WNT7A: variants seen among roughly 807,000 people sequenced by gnomAD.
The protein encoded by WNT7A is protein Wnt-7a.
WNT7A carries 16 observed loss-of-function variants against 28.2 expected under a neutral mutation model. That is an observed-to-expected ratio of 0.57 (90% CI 0.38 to 0.86). WNT7A has a LOEUF of 0.86. Ranked by LOEUF, WNT7A falls within the 40% of genes least tolerant of loss-of-function variation. WNT7A has a pLI of 0.00. For synonymous variants in WNT7A, 190 were observed against 195.9 expected (o/e 0.97, Z 0.25); for missense variants, 411 against 489.7 (o/e 0.84, Z 1.52).
At chr3:13,859,098 C>T (rs1694790083) in intron 2 of WNT7A, among the ~76,000 whole-genome samples, 2 of 152,188 alleles carry the variant, frequency 1.3e-5, no homozygotes, top group South Asian at 2.1e-4. Flanking sequence ...AAACATCAGC[C>T]GTTGCGTTGT....
intron 2 of WNT7A, among the ~76,000 whole-genome samples, chr3:13,855,896 C>T (rs998281854): frequency 3.9e-5 from 6 of 152,108 alleles, no homozygotes; most frequent in Non-Finnish European, 5.9e-5. Flanking sequence ...AGGATGGAGA[C>T]GGCTTAAGCA....
intron 1 of WNT7A, among the ~76,000 whole-genome samples, chr3:13,877,573 G>A (rs747602389): frequency 6.6e-6 from 1 of 152,232 alleles, no homozygotes; most frequent in African/African-American, 2.4e-5. Flanking sequence ...TAGCCCCTAA[G>A]GGTCTGGCCT....
intron 3 of WNT7A, among the ~76,000 whole-genome samples, chr3:13,835,714 C>T (rs1694356695): frequency 6.6e-6 from 1 of 152,250 alleles, no homozygotes; most frequent in Admixed American, 6.5e-5. Flanking sequence ...CACACACAAA[C>T]TTGTCCACAA....
At chr3:13,834,200 A>G (rs114323710) in intron 3 of WNT7A, among the ~76,000 whole-genome samples, 168 of 152,050 alleles carry the variant, frequency 1.1e-3, no homozygotes, top group Non-Finnish European at 2.1e-3. Context: ...TATTTTGCTC[A>G]GGGTGATAAT....
chr3:13,841,075 A>T (rs1234211122), intron 3 of WNT7A, among the ~76,000 whole-genome samples: 1 of 152,254 alleles, frequency 6.6e-6, no homozygotes, highest in Non-Finnish European at 1.5e-5. Context: ...GAGCTGGCAT[A>T]TAGGGATTCG....
At chr3:13,870,107 C>T (rs1695008006) in intron 2 of WNT7A, among the ~76,000 whole-genome samples, 1 of 152,292 alleles carries the variant, frequency 6.6e-6, no homozygotes, top group Middle Eastern at 3.4e-3. Flanking sequence ...CGCCACACTC[C>T]CTCTGCCTTC....
chr3:13,826,506 G>T (rs1372563004), intron 3 of WNT7A, among the ~76,000 whole-genome samples: 1 of 152,170 alleles, frequency 6.6e-6, no homozygotes, highest in Non-Finnish European at 1.5e-5. Context: ...AACTGAAAGA[G>T]GGAGCAGGCT....
rs768000316 is a variant in WNT7A at position 13,879,801 on chromosome 3, G to C, written c.16C>G (p.Arg6Gly). Reference protein sequence around the residue: MNRKARRCLGHLFLSL... With the variant: MNRKAGRCLGHLFLSL... ...AGAAAGAGGTGGCCCAGGCAGCGCCGCGCTTTCCGGTTCATAGTCCCGATT... is the reference window on the plus strand; with the variant it reads ...AGAAAGAGGTGGCCCAGGCAGCGCCCCGCTTTCCGGTTCATAGTCCCGATT... The change falls in exon 1 of 4, where the codon CGG (arginine) becomes GGG (glycine). Residue 6 changes from arginine to glycine, a missense_variant. By Grantham distance (125) the Arg-to-Gly change is moderately radical. Coordinates refer to ENST00000285018, the MANE Select transcript of WNT7A (RefSeq NM_004625.4). The C allele has an allele frequency of 6.2e-7, 1 of 1,611,920 alleles. No individual in the cohort carries two copies. Among genetic ancestry groups the C allele is most frequent in the African/African-American group, 1.3e-5 (1 of 74,880 alleles).
At chr3:13,871,012 T>C (rs1367824170) in intron 2 of WNT7A, among the ~76,000 whole-genome samples, 2 of 152,214 alleles carry the variant, frequency 1.3e-5, no homozygotes, top group Non-Finnish European at 2.9e-5. Flanking sequence ...GAGCCAGGCA[T>C]GCGATGAAGA....
intron 2 of WNT7A, among the ~76,000 whole-genome samples, chr3:13,870,364 G>A (rs1695011518): frequency 6.6e-6 from 1 of 152,186 alleles, no homozygotes; most frequent in Admixed American, 6.5e-5. Context: ...CAGGGAGAAG[G>A]TGGCAAGCCC....
chr3:13,832,592 A>T (rs1694299330), intron 3 of WNT7A, among the ~76,000 whole-genome samples: 1 of 151,550 alleles, frequency 6.6e-6, no homozygotes, highest in African/African-American at 2.4e-5. Flanking sequence ...AGAAAGCTGC[A>T]TTTCAGCCAG....
chr3:13,874,155 C>T (rs1695066869), intron 2 of WNT7A, among the ~76,000 whole-genome samples: 1 of 152,144 alleles, frequency 6.6e-6, no homozygotes, highest in Admixed American at 6.5e-5. Flanking sequence ...CCAAGGCTGA[C>T]CTGGCTTTCA....
In WNT7A at chr3:13,819,439, G is replaced by A. The variant is rs575469627; in HGVS notation, c.571-16C>T. The A allele has an allele frequency of 8.1e-6, 13 of 1,610,042 alleles. No homozygotes were observed. In the African/African-American group the frequency reaches 1.7e-4, roughly 21 times the overall value. Reference sequence around the variant, plus strand: ...CCTCCAGGATCTGCAGGGGAGGGCGGGGAAGAGCACAGCACAGGTCACTGC... The same window carrying A: ...CCTCCAGGATCTGCAGGGGAGGGCGAGGAAGAGCACAGCACAGGTCACTGC... On this transcript the variant is annotated splice_polypyrimidine_tract_variant and intron_variant, in intron 3 of 3. Transcript: ENST00000285018.
At chr3:13,828,405 A>C (rs1437836328) in intron 3 of WNT7A, among the ~76,000 whole-genome samples, 2 of 152,196 alleles carry the variant, frequency 1.3e-5, no homozygotes, top group Non-Finnish European at 2.9e-5. Context: ...TGAATTCATC[A>C]ACCCAAGACC....
At chr3:13,829,654 C>T (rs1694246933) in intron 3 of WNT7A, among the ~76,000 whole-genome samples, 1 of 152,106 alleles carries the variant, frequency 6.6e-6, no homozygotes, top group African/African-American at 2.4e-5. Flanking sequence ...CTCAGTTTTC[C>T]TTACCAATGA....
At chr3:13,879,266 C>A (rs1174344674) in intron 1 of WNT7A, among the ~76,000 whole-genome samples, 1 of 152,238 alleles carries the variant, frequency 6.6e-6, no homozygotes, top group Non-Finnish European at 1.5e-5. Flanking sequence ...ACGGACCGGC[C>A]CCGCCAGCCA....
chr3:13,879,036 C>T (rs1181499623), intron 1 of WNT7A, among the ~76,000 whole-genome samples: 1 of 152,168 alleles, frequency 6.6e-6, no homozygotes, highest in African/African-American at 2.4e-5. Context: ...GCGGGGTGTC[C>T]CGCCTCTCTC....
At chr3:13,871,840 TC>T (rs1695030554) in intron 2 of WNT7A, among the ~76,000 whole-genome samples, 1 of 151,906 alleles carries the variant, frequency 6.6e-6, no homozygotes, top group African/African-American at 2.4e-5. Context: ...CCTTATTGTC[TC>T]CCCTCCAGAA....
At chr3:13,877,117 C>T (rs1046137635) in intron 1 of WNT7A, 1 of 152,210 alleles carries the variant, frequency 6.6e-6, no homozygotes, top group African/African-American at 2.4e-5. Context: ...CAGGTGCCCC[C>T]CAAATATGCA....
Sources: gnomAD v4.1 joint callset for allele counts (sites outside exome capture counted in the v4.1 genomes callset) on GRCh38, gnomAD v4.1.1 for gene constraint, MANE v1.5 for transcripts, NCBI Gene and HGNC (gene_info 2026-07-23, HGNC 2026-07-21) for gene names.